The following CXCL13 variants were observed in gnomAD, a reference collection of about 807,000 sequenced individuals.
The protein encoded by CXCL13 is C-X-C motif chemokine 13.
CXCL13 carries 7 observed loss-of-function variants against 12.2 expected under a neutral mutation model. That is an observed-to-expected ratio of 0.57 (90% CI 0.33 to 1.07). CXCL13 has a LOEUF of 1.07. Among genes scored for constraint, CXCL13 ranks in the 50% least tolerant of loss-of-function variants. The probability of loss-of-function intolerance (pLI) is 0.04; values close to 1 mark genes in which losing one functional copy is unlikely to be tolerated. For missense variants in CXCL13, 113 were observed against 127.4 expected (o/e 0.89, Z 0.55); for synonymous variants, 47 against 42.4 (o/e 1.11, Z -0.42).
intron 1 of CXCL13, among the ~76,000 whole-genome samples, chr4:77,572,802 C>T (rs896176082): frequency 5.9e-5 from 9 of 151,844 alleles, no homozygotes; most frequent in Non-Finnish European, 8.8e-5. Flanking sequence ...CATTGCAGCA[C>T]TATTCACAAT....
intron 1 of CXCL13, among the ~76,000 whole-genome samples, chr4:77,528,504 T>C (rs1430886512): frequency 6.6e-6 from 1 of 152,232 alleles, no homozygotes; most frequent in Non-Finnish European, 1.5e-5. Flanking sequence ...ATTGTGGTTT[T>C]GATTTGCATT....
At chr4:77,604,705 G>A (rs1726964508), upstream of CXCL13, among the ~76,000 whole-genome samples, 2 of 152,136 alleles carry the variant, frequency 1.3e-5, no homozygotes, top group African/African-American at 4.8e-5. Flanking sequence ...TTGTGTGAAG[G>A]TTGTGTGGCA....
At position 77,585,081 on chromosome 4, in the gene CXCL13, G is replaced by A. The variant is rs145623818; in HGVS notation, c.-42-20743G>A. 4.6e-3 allele frequency among the ~76,000 whole-genome samples: 705 copies of A among 152,206 alleles called. 3 individuals are homozygous for A. The highest frequency in any genetic ancestry group is 6.2e-3 in the Non-Finnish European group (423 of 68,012). ...TACTTGCAAGCTTTCCTGAAGTAGAGCTCCAAATCACACACGTCTGGCCAC... is the reference window on the plus strand; with the variant it reads ...TACTTGCAAGCTTTCCTGAAGTAGAACTCCAAATCACACACGTCTGGCCAC... On this transcript the variant is annotated intron_variant, in intron 1 of 4. Transcript: ENST00000286758.
At chr4:77,523,602 G>T (rs1021642352) in intron 1 of CXCL13, among the ~76,000 whole-genome samples, 1 of 152,098 alleles carries the variant, frequency 6.6e-6, no homozygotes, top group African/African-American at 2.4e-5. Flanking sequence ...ATTCTACTTA[G>T]CCATTTGTCT....
chr4:77,523,320 A>T (rs1724663699), intron 1 of CXCL13, among the ~76,000 whole-genome samples: 1 of 152,118 alleles, frequency 6.6e-6, no homozygotes, highest in South Asian at 2.1e-4. Flanking sequence ...ACTTGGTTCC[A>T]TTCTCCCGAT....
intron 1 of CXCL13, among the ~76,000 whole-genome samples, chr4:77,556,770 G>T (rs956041988): frequency 2.0e-5 from 3 of 152,126 alleles, no homozygotes; most frequent in Admixed American, 2.0e-4. Context: ...TGGGCACAGT[G>T]GCTCACACCT....
intron 1 of CXCL13, among the ~76,000 whole-genome samples, chr4:77,524,089 C>A (rs1218760057): frequency 1.3e-5 from 2 of 152,174 alleles, no homozygotes; most frequent in Admixed American, 6.5e-5. Context: ...CTGCCTGATC[C>A]TTCCTCTGGA....
At chr4:77,532,530 T>G (rs1434761108) in intron 1 of CXCL13, among the ~76,000 whole-genome samples, 1 of 152,134 alleles carries the variant, frequency 6.6e-6, no homozygotes, top group Non-Finnish European at 1.5e-5. Context: ...TATCTTGGAG[T>G]TGCTGTTCTC....
At chr4:77,584,298 C>T (rs1320698041) in intron 1 of CXCL13, among the ~76,000 whole-genome samples, 1 of 152,198 alleles carries the variant, frequency 6.6e-6, no homozygotes, top group Non-Finnish European at 1.5e-5. Flanking sequence ...TTCTTATTGC[C>T]TTGGTCTATT....
At chr4:77,521,554 G>T (rs1724598858) in intron 1 of CXCL13, among the ~76,000 whole-genome samples, 1 of 152,028 alleles carries the variant, frequency 6.6e-6, no homozygotes, top group African/African-American at 2.4e-5. Flanking sequence ...TGTGGGATCG[G>T]TGGTGATATC....
At chr4:77,592,149 A>G (rs531337025) in intron 1 of CXCL13, among the ~76,000 whole-genome samples, 1 of 152,338 alleles carries the variant, frequency 6.6e-6, no homozygotes, top group Non-Finnish European at 1.5e-5. Context: ...TGTTTATTGT[A>G]GTTTTATTCA....
intron 1 of CXCL13, among the ~76,000 whole-genome samples, chr4:77,518,295 G>C (rs1314282320): frequency 6.6e-6 from 1 of 152,160 alleles, no homozygotes; most frequent in Non-Finnish European, 1.5e-5. Flanking sequence ...TTCTGGAGGA[G>C]TATCTTTGTG....
intron 1 of CXCL13, among the ~76,000 whole-genome samples, chr4:77,561,074 T>G (rs536709319): frequency 3.9e-5 from 6 of 152,322 alleles, no homozygotes; most frequent in African/African-American, 1.2e-4. Context: ...AATTAAACTT[T>G]TTCTGTTTTA....
At chr4:77,527,205 C>T (rs1166288863) in intron 1 of CXCL13, among the ~76,000 whole-genome samples, 1 of 152,114 alleles carries the variant, frequency 6.6e-6, no homozygotes. Context: ...GCACTGTACA[C>T]CGATTGGAAC....
At chr4:77,596,709 C>T (rs1013945570) in intron 1 of CXCL13, among the ~76,000 whole-genome samples, 29 of 148,928 alleles carry the variant, frequency 1.9e-4, no homozygotes, top group Non-Finnish European at 3.4e-4. Flanking sequence ...CATTGGAACC[C>T]GGGAGGCAGA....
chr4:77,560,072 G>A (rs1238790215), intron 1 of CXCL13, among the ~76,000 whole-genome samples: 1 of 151,442 alleles, frequency 6.6e-6, no homozygotes, highest in Non-Finnish European at 1.5e-5. Flanking sequence ...TTTTTTTGTT[G>A]GTCTTTCTTT....
upstream of CXCL13, among the ~76,000 whole-genome samples, chr4:77,602,059 A>T (rs1726889963): frequency 6.6e-6 from 1 of 152,212 alleles, no homozygotes; most frequent in Admixed American, 6.5e-5. Flanking sequence ...AAATGTTCTC[A>T]ATTGTATCAC....
At chr4:77,551,201 G>C (rs774994884) in intron 1 of CXCL13, among the ~76,000 whole-genome samples, 2 of 152,130 alleles carry the variant, frequency 1.3e-5, no homozygotes, top group Admixed American at 6.5e-5. Flanking sequence ...CCATTGTGTG[G>C]TTGGTTTATA....
chr4:77,535,744 A>C (rs1192381371), intron 1 of CXCL13, among the ~76,000 whole-genome samples: 1 of 152,158 alleles, frequency 6.6e-6, no homozygotes, highest in Non-Finnish European at 1.5e-5. Context: ...CACTCAGCTG[A>C]AGTCTCAGCC....
Sources: allele counts gnomAD v4.1 joint callset (sites outside exome capture counted in the v4.1 genomes callset), GRCh38; gene constraint gnomAD v4.1.1; transcripts MANE v1.5; gene names NCBI Gene and HGNC (gene_info 2026-07-23, HGNC 2026-07-21).